Variants in PLXNA1 observed in about 807,000 individuals in gnomAD.
The protein encoded by PLXNA1 is plexin A1.
PLXNA1 carries 77 observed loss-of-function variants against 191.7 expected under a neutral mutation model. That is an observed-to-expected ratio of 0.40 (90% confidence interval 0.33 to 0.49). The LOEUF (loss-of-function observed/expected upper bound fraction) is 0.49, where lower values mean the gene tolerates loss of function less well. Ranked by LOEUF, PLXNA1 falls within the 20% of genes least tolerant of loss-of-function variation. The pLI, the probability that PLXNA1 is intolerant of heterozygous loss-of-function variation, is 0.63. For synonymous variants in PLXNA1, 1,137 were observed against 1,156.4 expected (o/e 0.98, Z 0.34); for missense variants, 2,110 against 2,660.2 (o/e 0.79, Z 4.55).
chr3:127,018,511 C>T lies in PLXNA1; in HGVS notation c.3878C>T (p.Ala1293Val), dbSNP rs2079136820. 6.2e-7 allele frequency: 1 copy of T among 1,609,254 alleles called. No homozygotes were observed. The highest frequency in any genetic ancestry group is 8.5e-7 in the Non-Finnish European group (1 of 1,177,014). ...LQMDNLESRV[A>V]LECKEAFAEL... Reference sequence around the variant, plus strand: ...ATGGACAACCTGGAGTCCCGCGTGGCCCTCGAATGCAAGGAAGGTCTGTTG... The same window carrying T: ...ATGGACAACCTGGAGTCCCGCGTGGTCCTCGAATGCAAGGAAGGTCTGTTG... The change falls in exon 20 of 32, where the codon GCC becomes GTC. Residue 1293 changes from alanine (A) to valine (V), a missense_variant. Ala to Val is a moderately conservative substitution (Grantham distance 64). Coordinates refer to ENST00000393409, the MANE Select transcript of PLXNA1 (RefSeq NM_032242.4).
intron 3 of PLXNA1, among the ~76,000 whole-genome samples, chr3:127,002,860 C>T (rs1395509920): frequency 6.6e-6 from 1 of 152,190 alleles, no homozygotes; most frequent in Non-Finnish European, 1.5e-5. Flanking sequence ...CCCTAGGACA[C>T]CCCATTCTGG....
chr3:126,992,657 G>C (rs796938124), intron 3 of PLXNA1, among the ~76,000 whole-genome samples: 14 of 152,136 alleles, frequency 9.2e-5, no homozygotes, highest in African/African-American at 3.4e-4. Flanking sequence ...TGGTCTTGGG[G>C]CCCGTGGGGG....
chr3:127,017,103 G>A, intron 17 of PLXNA1, 66 bp downstream of exon 17: 3 of 1,400,272 alleles, frequency 2.1e-6, no homozygotes, highest in South Asian at 1.2e-5. Flanking sequence ...CTCCTGCTAG[G>A]AATACCCGTG....
chr3:127,010,696 G>A (rs758080304), intron 9 of PLXNA1, among the ~76,000 whole-genome samples: 1 of 152,180 alleles, frequency 6.6e-6, no homozygotes, highest in Non-Finnish European at 1.5e-5. Flanking sequence ...TGGGACCTGG[G>A]TTCTGGGGGT....
chr3:126,996,729 G>C (rs1219141626), intron 3 of PLXNA1, among the ~76,000 whole-genome samples: 3 of 152,184 alleles, frequency 2.0e-5, no homozygotes, highest in Non-Finnish European at 2.9e-5. Flanking sequence ...GTTGAGGGAG[G>C]GACAAGGGGA....
At chr3:126,997,281 G>C (rs1283519327) in intron 3 of PLXNA1, among the ~76,000 whole-genome samples, 1 of 152,224 alleles carries the variant, frequency 6.6e-6, no homozygotes, top group African/African-American at 2.4e-5. Flanking sequence ...GTTTCAGCCT[G>C]GGAGCAAGGC....
intron 1 of PLXNA1, among the ~76,000 whole-genome samples, chr3:126,987,787 G>A (rs1395356803): frequency 6.6e-5 from 10 of 152,274 alleles, no homozygotes; most frequent in African/African-American, 1.9e-4. Context: ...GCACCCGTCG[G>A]CTGGGGTGGG....
intron 1 of PLXNA1, among the ~76,000 whole-genome samples, chr3:126,984,105 A>G (rs1252151684): frequency 6.6e-6 from 1 of 152,004 alleles, no homozygotes; most frequent in Non-Finnish European, 1.5e-5. Flanking sequence ...GCGAAGCTGG[A>G]GGCAGCGGGC....
chr3:126,991,595 G>A lies in PLXNA1; in HGVS notation c.1377+29G>A, dbSNP rs527269533. The A allele has an allele frequency of 9.8e-6, 15 of 1,533,420 alleles. 1 individual carries two copies. Among genetic ancestry groups the A allele is most frequent in the South Asian group, 7.5e-5 (6 of 79,572 alleles). The allele number at this position is 1,533,420 out of a possible 1,614,324, so 95.0% of individuals were successfully genotyped here. Reference sequence around the variant, plus strand: ...AGGCCTGGGTGGGGTGGGGTGAGGAGGGGGCTTGGGGCAGGAACAAAGGCT... The same window carrying A: ...AGGCCTGGGTGGGGTGGGGTGAGGAAGGGGCTTGGGGCAGGAACAAAGGCT... On this transcript the variant is annotated intron_variant, in intron 3 of 31. Transcript: ENST00000393409.
intron 9 of PLXNA1, among the ~76,000 whole-genome samples, chr3:127,009,059 G>A (rs867929235): frequency 2.6e-5 from 4 of 152,266 alleles, no homozygotes; most frequent in Middle Eastern, 3.4e-3. Flanking sequence ...AATCTGAGGC[G>A]AGAGCTGGTC....
chr3:127,024,167 G>A (rs567418047), intron 23 of PLXNA1, among the ~76,000 whole-genome samples: 31 of 152,298 alleles, frequency 2.0e-4, no homozygotes, highest in African/African-American at 6.7e-4. Context: ...AGAGGGCACC[G>A]CTAACCTGAG....
chr3:127,007,713 C>A, intron 8 of PLXNA1, 86 bp from the exon 9 acceptor site: 1 of 784,508 alleles, frequency 1.3e-6, no homozygotes, highest in Non-Finnish European at 2.1e-6. Flanking sequence ...TGAATACCAG[C>A]AGGGGCGGCA....
At chr3:126,999,356 T>G (rs927455830) in intron 3 of PLXNA1, among the ~76,000 whole-genome samples, 1 of 152,130 alleles carries the variant, frequency 6.6e-6, no homozygotes, top group Non-Finnish European at 1.5e-5. Context: ...GTCCTGTCCT[T>G]CTCCCAGCCC....
At chr3:127,028,957 C>G (rs745827044) in intron 25 of PLXNA1, 36 bp from the exon 26 acceptor site, 1 of 1,545,356 alleles carries the variant, frequency 6.5e-7, no homozygotes, top group Admixed American at 1.7e-5. Context: ...AAAGAGGGCC[C>G]CAGCGGCCCC....
chr3:127,004,083 C>T (rs986099642), intron 4 of PLXNA1, among the ~76,000 whole-genome samples: 1 of 152,256 alleles, frequency 6.6e-6, no homozygotes, highest in African/African-American at 2.4e-5. Context: ...CCAAGCCTCC[C>T]TCCCCTTCTG....
At chr3:127,032,351 G>C in intron 29 of PLXNA1, 36 bp from the exon 30 acceptor site, 1 of 1,599,336 alleles carries the variant, frequency 6.3e-7, no homozygotes, top group Non-Finnish European at 8.6e-7. Context: ...AGGGAGCAGA[G>C]GCCTATCTGA....
chr3:126,987,320 A>G (rs1214151667), intron 1 of PLXNA1, among the ~76,000 whole-genome samples: 1 of 152,170 alleles, frequency 6.6e-6, no homozygotes, highest in Non-Finnish European at 1.5e-5. Flanking sequence ...GGAGGCCAGG[A>G]CAGGATATGG....
chr3:126,998,436 C>T (rs1011610831), intron 3 of PLXNA1, among the ~76,000 whole-genome samples: 1 of 152,136 alleles, frequency 6.6e-6, no homozygotes, highest in Non-Finnish European at 1.5e-5. Context: ...CCACAGGACC[C>T]GTGCTGGTGA....
intron 9 of PLXNA1, among the ~76,000 whole-genome samples, chr3:127,011,673 G>A (rs1178266236): frequency 1.3e-5 from 2 of 152,222 alleles, no homozygotes; most frequent in African/African-American, 4.8e-5. Flanking sequence ...TGCCTCTGGG[G>A]CCTTTTCAGC....
Sources: gnomAD v4.1 joint callset for allele counts (sites outside exome capture counted in the v4.1 genomes callset) on GRCh38, gnomAD v4.1.1 for gene constraint, MANE v1.5 for transcripts, NCBI Gene and HGNC (gene_info 2026-07-23, HGNC 2026-07-21) for gene names.